The following APOC4 variants were observed in gnomAD, a reference collection of about 807,000 sequenced individuals.
The protein encoded by APOC4 is apolipoprotein C4.
Under a neutral mutation model 8.4 loss-of-function variants are expected in APOC4, and 10 were observed. The observed-to-expected ratio is 1.19, with a 90% CI of 0.74 to 2.03. The LOEUF (loss-of-function observed/expected upper bound fraction) is 2.03. Among genes scored for constraint, APOC4 ranks in the 30% most tolerant of loss-of-function variants. The probability of loss-of-function intolerance (pLI) is 0.00; values close to 1 mark genes in which losing one functional copy is unlikely to be tolerated. For synonymous variants in APOC4, 59 were observed against 65.8 expected (o/e 0.90, Z 0.50); for missense variants, 160 against 156.1 (o/e 1.02, Z -0.13).
chr19:44,942,407 T>C, intron 1 of APOC4, 54 bp downstream of exon 1: 1 of 1,570,754 alleles, frequency 6.4e-7, no homozygotes, highest in Non-Finnish European at 8.7e-7. Flanking sequence ...GGTGTGAGTG[T>C]GGCTGTGTGT....
rs761293041 is a variant in APOC4 at position 44,945,333 on chromosome 19, TG to T, written c.*30del. On this transcript the variant is annotated 3_prime_UTR_variant, in exon 3 of 3. Coordinates refer to ENST00000592954, the MANE Select transcript of APOC4 (RefSeq NM_001646.3). ...TGTTCATAAAAGCCAGGTGTGGTTG[TG>T]GCGGGTGCCTGTAGTCCCAGCTACT... The T allele has an allele frequency of 2.5e-6, 4 of 1,598,372 alleles. No homozygotes were observed. Among genetic ancestry groups the T allele is most frequent in the Admixed American group, 1.7e-5 (1 of 58,718 alleles).
rs751982000 is a variant in APOC4, at chr19:44,942,712, TGA to T, written c.76+361_76+362del. ...GAGTGTGTGGACATGTGTGAGGGGG[TGA>T]GTGTGTGCTGGTGTGTACGTCTGTG... On this transcript the variant is annotated intron_variant, in intron 1 of 2. Coordinates refer to ENST00000592954, the MANE Select transcript of APOC4 (RefSeq NM_001646.3). 5.9e-5 allele frequency among the ~76,000 whole-genome samples: 9 copies of T among 151,278 alleles called. No individual in the cohort carries two copies. In the South Asian group the frequency reaches 8.4e-4, roughly 14 times the overall value.
chr19:44,942,444 A>G (rs971724803), intron 1 of APOC4, 91 bp downstream of exon 1: 3 of 1,302,846 alleles, frequency 2.3e-6, no homozygotes, highest in Non-Finnish European at 2.2e-6. Context: ...CACGTGAGAC[A>G]TGAGTACGGA....
chr19:44,942,291 G>A lies in APOC4; in HGVS notation c.14G>A (p.Arg5Lys). ...GAACCCCCAGAAATGTCCCTCCTCA[G>A]AAACAGGCTCCAGGCCCTGCCTGCC... Reference protein sequence around the residue: MSLLRNRLQALPALC... With the variant: MSLLKNRLQALPALC... Residue 5 changes from arginine to lysine, a missense_variant, in exon 1 of 3, where the codon AGA becomes AAA. Coordinates refer to ENST00000592954, the MANE Select transcript of APOC4 (RefSeq NM_001646.3). The A allele has an allele frequency of 6.2e-7, 1 of 1,612,644 alleles. No homozygotes were observed. The highest frequency in any genetic ancestry group is 8.5e-7 in the Non-Finnish European group (1 of 1,179,384).
Position 44,942,282 on chromosome 19 carries a change from C to A in APOC4, c.5C>A (p.Ser2Tyr). The A allele has an allele frequency of 6.2e-7, 1 of 1,611,400 alleles. No homozygotes were observed. The highest frequency in any genetic ancestry group is 8.5e-7 in the Non-Finnish European group (1 of 1,178,804). The change falls in exon 1 of 3, where the codon TCC (serine) becomes TAC (tyrosine). Residue 2 changes from serine to tyrosine, a missense_variant. Ser to Tyr is a moderately radical substitution (Grantham distance 144, BLOSUM62 -2). Coordinates refer to ENST00000592954, the MANE Select transcript of APOC4 (RefSeq NM_001646.3). MSLLRNRLQALP... is the reference protein window; with the variant it reads MYLLRNRLQALP... ...AGAGGCACGGAACCCCCAGAAATGTCCCTCCTCAGAAACAGGCTCCAGGCC... is the reference window on the plus strand; with the variant it reads ...AGAGGCACGGAACCCCCAGAAATGTACCTCCTCAGAAACAGGCTCCAGGCC...
chr19:44,944,851 C>G lies in APOC4; in HGVS notation c.179C>G (p.Thr60Arg). Residue 60 changes from threonine to arginine, a missense_variant, in exon 2 of 3, where the codon ACA becomes AGA. Coordinates refer to ENST00000592954, the MANE Select transcript of APOC4 (RefSeq NM_001646.3). ...VRGRMKELLE[T>R]VVNRTRDGWQ... ...GGCAGGATGAAGGAGCTGCTGGAGA[C>G]AGTGGTGAACAGGACCAGAGACGGG... 1.9e-6 allele frequency: 3 copies of G among 1,608,174 alleles called. No homozygotes were observed. Among genetic ancestry groups the G allele is most frequent in the Non-Finnish European group, 2.5e-6 (3 of 1,177,986 alleles).
In APOC4 at chr19:44,944,787, C is replaced by G; in HGVS notation, c.115C>G (p.Pro39Ala). 1 of 1,611,808 alleles carries G rather than the reference C, an allele frequency of 6.2e-7. No individual in the cohort carries two copies. Among genetic ancestry groups the G allele is most frequent in the Non-Finnish European group, 8.5e-7 (1 of 1,179,288 alleles). ...PEAQEGTLSP[P>A]PKLKMSRWSL... The stretch of plus-strand genomic sequence containing the variant: ...GGCCCAGGAAGGAACCCTGAGCCCC[C>G]CACCAAAGCTAAAGATGAGTCGCTG... Residue 39 changes from proline (P) to alanine (A), a missense_variant, in exon 2 of 3, where the codon CCA becomes GCA. By Grantham distance (27) the Pro-to-Ala change is conservative. Coordinates refer to ENST00000592954, the MANE Select transcript of APOC4 (RefSeq NM_001646.3).
chr19:44,943,740 A>T lies in APOC4; in HGVS notation c.77-1009A>T, dbSNP rs1447010283. 4.0e-5 allele frequency among the ~76,000 whole-genome samples: 6 copies of T among 151,732 alleles called. No homozygotes were observed. In the South Asian group the frequency reaches 6.2e-4, roughly 16 times the overall value. The stretch of plus-strand genomic sequence containing the variant: ...AGACTCCGTCTGAAAAAAAAAAAAA[A>T]TTTAACACGTATGTAGACAATGTGC... On this transcript the variant is annotated intron_variant, in intron 1 of 2. Coordinates refer to ENST00000592954, the MANE Select transcript of APOC4 (RefSeq NM_001646.3).
In APOC4 at chr19:44,944,871, G is replaced by C. The variant is rs764950395; in HGVS notation, c.199G>C (p.Asp67His). 1 of 1,607,172 alleles carries C rather than the reference G, an allele frequency of 6.2e-7. No homozygotes were observed. The highest frequency in any genetic ancestry group is 1.1e-5 in the South Asian group (1 of 89,842). ...LLETVVNRTRDGWQWFWSPST... is the reference protein window; with the variant it reads ...LLETVVNRTRHGWQWFWSPST... The stretch of plus-strand genomic sequence containing the variant: ...GGAGACAGTGGTGAACAGGACCAGA[G>C]ACGGGTGGCAATGGTTCTGGTGAGG... The change falls in exon 2 of 3, where the codon GAC (aspartate) becomes CAC (histidine). Residue 67 changes from aspartate to histidine, a missense_variant. Physicochemically the swap from Asp to His is moderately conservative, Grantham distance 81. Coordinates refer to ENST00000592954, the MANE Select transcript of APOC4 (RefSeq NM_001646.3).
intron 1 of APOC4, among the ~76,000 whole-genome samples, chr19:44,943,163 C>T (rs1483865099): frequency 1.3e-5 from 2 of 151,918 alleles, no homozygotes; most frequent in African/African-American, 2.4e-5. Context: ...CCTCGTGATC[C>T]GCCTGCCTCG....
chr19:44,944,357 T>C (rs1338445013), intron 1 of APOC4, among the ~76,000 whole-genome samples: 1 of 151,666 alleles, frequency 6.6e-6, no homozygotes, highest in Non-Finnish European at 1.5e-5. Context: ...CAAAACCCCA[T>C]CTCTTCTAAA....
At position 44,945,208 on chromosome 19, in the gene APOC4, T is replaced by A. The variant is rs5167; in HGVS notation, c.287T>A (p.Leu96His). Residue 96 changes from leucine to histidine, a missense_variant, in exon 3 of 3, where the codon CTC (leucine) becomes CAC (histidine). Coordinates refer to ENST00000592954, the MANE Select transcript of APOC4 (RefSeq NM_001646.3). ...YDDHLRDLGP[L>H]TKAWFLESKD... ...GACCACCTGAGGGACCTGGGTCCGCTCACCAAGGCCTGGTTCCTCGAATCC... is the reference window on the plus strand; with the variant it reads ...GACCACCTGAGGGACCTGGGTCCGCACACCAAGGCCTGGTTCCTCGAATCC... 5.6e-6 allele frequency: 9 copies of A among 1,613,728 alleles called. No individual in the cohort carries two copies. The East Asian group carries it at 1.8e-4, about 32-fold the overall frequency.
At chr19:44,943,222 A>G (rs1970279486) in intron 1 of APOC4, among the ~76,000 whole-genome samples, 1 of 151,742 alleles carries the variant, frequency 6.6e-6, no homozygotes, top group Non-Finnish European at 1.5e-5. Context: ...CGCCTGGCCA[A>G]TGCCTGGCTA....
At position 44,945,391 on chromosome 19, in the gene APOC4, C is replaced by A; in HGVS notation, c.*86C>A. ...GCTGAGGTAGGATGATGGCTTGAGC[C>A]CAGGAGTTCGAGACCAGCCTGGGCA... On this transcript the variant is annotated 3_prime_UTR_variant, in exon 3 of 3. Coordinates refer to ENST00000592954, the MANE Select transcript of APOC4 (RefSeq NM_001646.3). 1 of 1,439,564 alleles carries A rather than the reference C, an allele frequency of 6.9e-7. No homozygotes were observed. Among genetic ancestry groups the A allele is most frequent in the Non-Finnish European group, 9.4e-7 (1 of 1,066,912 alleles). The allele number at this position is 1,439,564 out of a possible 1,614,324, so 89.2% of individuals were successfully genotyped here. A position where few individuals can be genotyped will look rare whatever the true frequency, so the allele number is the denominator to read the frequency against.
At position 44,944,789 on chromosome 19, in the gene APOC4, A is replaced by C. The variant is rs768894898; in HGVS notation, c.117A>C (p.Pro39=). 3.1e-6 allele frequency: 5 copies of C among 1,611,900 alleles called. No individual in the cohort carries two copies. The highest frequency in any genetic ancestry group is 4.2e-6 in the Non-Finnish European group (5 of 1,179,314). Residue 39 remains proline, a synonymous_variant, in exon 2 of 3, where the codon CCA becomes CCC. Coordinates refer to ENST00000592954, the MANE Select transcript of APOC4 (RefSeq NM_001646.3). ...PEAQEGTLSP[P]PKLKMSRWSL... ...CCCAGGAAGGAACCCTGAGCCCCCC[A>C]CCAAAGCTAAAGATGAGTCGCTGGA...
Position 44,945,424 on chromosome 19 carries a change from G to A in APOC4, c.*119G>A, listed in dbSNP as rs527932628. The A allele has an allele frequency of 1.9e-5, 19 of 985,256 alleles. No individual in the cohort carries two copies. The East Asian group carries it at 2.3e-4, about 12-fold the overall frequency. The allele number at this position is 985,256 out of a possible 1,614,324, so 61.0% of individuals were successfully genotyped here. On this transcript the variant is annotated 3_prime_UTR_variant, in exon 3 of 3. Coordinates refer to ENST00000592954, the MANE Select transcript of APOC4 (RefSeq NM_001646.3). Reference sequence around the variant, plus strand: ...TCGAGACCAGCCTGGGCAACACAGCGAGATCTCTTGGGGGTAAAACAAAAA... The same window carrying A: ...TCGAGACCAGCCTGGGCAACACAGCAAGATCTCTTGGGGGTAAAACAAAAA...
At chr19:44,942,489 G>T in intron 1 of APOC4, 136 bp downstream of exon 1, 1 of 720,486 alleles carries the variant, frequency 1.4e-6, no homozygotes, top group Non-Finnish European at 2.2e-6. Flanking sequence ...ATGCATGTGC[G>T]TGTCGGGGAG....
In APOC4 at chr19:44,945,276, C is replaced by A. The variant is rs374888893; in HGVS notation, c.355C>A (p.Leu119Ile). The A allele has an allele frequency of 5.5e-5, 89 of 1,613,728 alleles. No homozygotes were observed. Among genetic ancestry groups the A allele is most frequent in the Non-Finnish European group, 7.5e-5 (88 of 1,179,974 alleles). The change falls in exon 3 of 3, where the codon CTT (leucine) becomes ATT (isoleucine). Residue 119 changes from leucine (L) to isoleucine (I), a missense_variant. Coordinates refer to ENST00000592954, the MANE Select transcript of APOC4 (RefSeq NM_001646.3). ...GAAGACCCACAGCCTGTGCCCCAGG[C>A]TTGTCTGTGGGGACAAGGACCAGGG... ...LKKTHSLCPR[L>I]VCGDKDQG
At chr19:44,942,912 C>T (rs1970275563) in intron 1 of APOC4, among the ~76,000 whole-genome samples, 1 of 151,772 alleles carries the variant, frequency 6.6e-6, no homozygotes, top group Non-Finnish European at 1.5e-5. Context: ...AGACACACGC[C>T]ACCATGCCTG....
Sources: gnomAD v4.1 joint callset for allele counts (sites outside exome capture counted in the v4.1 genomes callset) on GRCh38, gnomAD v4.1.1 for gene constraint, MANE v1.5 for transcripts, NCBI Gene and HGNC (gene_info 2026-07-23, HGNC 2026-07-21) for gene names.